GTF3C3: variants seen among roughly 807,000 people sequenced by gnomAD.
GTF3C3 encodes general transcription factor 3C polypeptide 3.
In GTF3C3, 75 loss-of-function variants were observed where a neutral mutation model predicts 105.2. The observed-to-expected ratio is 0.71, with a 90% confidence interval of 0.59 to 0.86. The LOEUF (loss-of-function observed/expected upper bound fraction) is 0.86, where lower values mean the gene tolerates loss of function less well. GTF3C3 is among the 40% of genes least tolerant of loss of function. GTF3C3 has a pLI of 0.00. For synonymous variants in GTF3C3, 335 were observed against 370.4 expected, an observed-to-expected ratio of 0.90 and a Z score of 1.10; for missense variants, 856 against 1,076.5, an observed-to-expected ratio of 0.80 and a Z score of 2.87.
In GTF3C3 at chr2:196,764,651, T is replaced by A; in HGVS notation, c.2573A>T (p.Asp858Val). The change falls in exon 18 of 18, where the codon GAT becomes GTT. Residue 858 changes from aspartate (D) to valine (V), a missense_variant. Transcript: ENST00000263956. ...IELDQLDLRR[D>V]IAYNLSLIYQ... ...GATGAGAGACAAGTTGTAGGCAATA[T>A]CTCTTCGTAAGTCTAACTGGTCAAG... is the stretch of plus-strand genomic sequence containing the variant. 6.2e-7 allele frequency: 1 copy of A among 1,612,252 alleles called. No individual in the cohort carries two copies.
chr2:196,794,980 T>C (rs1237070095), intron 2 of GTF3C3, among the ~76,000 whole-genome samples: 6 of 148,330 alleles, frequency 4.0e-5, no homozygotes, highest in African/African-American at 1.0e-4. Flanking sequence ...CCACCCACCT[T>C]GGCCTCCCAA....
chr2:196,776,341 TA>T lies in GTF3C3; in HGVS notation c.1593+85del. 2 of 1,100,026 alleles carry T rather than the reference TA, an allele frequency of 1.8e-6. No homozygotes were observed. Among genetic ancestry groups the T allele is most frequent in the Non-Finnish European group, 2.6e-6 (2 of 757,998 alleles). The allele number at this position is 1,100,026 out of a possible 1,614,324, so 68.1% of individuals were successfully genotyped here. A position where few individuals can be genotyped will look rare whatever the true frequency, so the allele number is the denominator to read the frequency against. ...ATACACTAAAATAAAATTTTGGATA[TA>T]AGCTATAGAGACATCCTTAATGGAG... On this transcript the variant is annotated intron_variant, in intron 11 of 17. Coordinates refer to ENST00000263956, the MANE Select transcript of GTF3C3 (RefSeq NM_012086.5). This position sits in a 1 kb window ranked among gnomAD's most constrained non-coding sequence, Gnocchi z 4.5.
At position 196,776,717 on chromosome 2, in the gene GTF3C3, C is replaced by A; in HGVS notation, c.1391-88G>T. 1.2e-6 allele frequency: 1 copy of A among 858,900 alleles called. No individual in the cohort carries two copies. 53.2% of individuals were successfully genotyped at this position (858,900 alleles called of 1,614,324 possible). On this transcript the variant is annotated intron_variant, in intron 10 of 17. Coordinates refer to ENST00000263956, the MANE Select transcript of GTF3C3 (RefSeq NM_012086.5). This position sits in a 1 kb window ranked among gnomAD's most constrained non-coding sequence, Gnocchi z 4.5. ...CTCTTCCATTTTAAAAGAAATATAG[C>A]AATATAAAAAATTATAACAAGAAAT...
Position 196,791,452 on chromosome 2 carries a change from C to G in GTF3C3, c.420G>C (p.Arg140Ser), listed in dbSNP as rs1043496966. Residue 140 changes from arginine to serine, a missense_variant, in exon 4 of 18, where the codon AGG becomes AGC. Arg to Ser is a moderately radical substitution (Grantham distance 110, BLOSUM62 -1). Transcript: ENST00000263956. ...RETKKMMKEKRPRSKLPRALR... is the reference protein window; with the variant it reads ...RETKKMMKEKSPRSKLPRALR... ...GAGCTCTGGGAAGTTTACTCCGAGG[C>G]CTTTTCTCCTGTATGGAAGAAAAAT... 2 of 1,612,764 alleles carry G rather than the reference C, an allele frequency of 1.2e-6. No individual in the cohort carries two copies. The highest frequency in any genetic ancestry group is 1.7e-6 in the Non-Finnish European group (2 of 1,179,214).
rs1259708529 is a variant in GTF3C3, at chr2:196,785,530, A to C, written c.952T>G (p.Ser318Ala). Reference protein sequence around the residue: ...SAINIIDEAFSKHQGLVSMED... With the variant: ...SAINIIDEAFAKHQGLVSMED... Reference sequence around the variant, plus strand: ...ATGGAGACTAGGCCCTGGTGTTTTGAGAAAGCTTCATCAATTATGTTAATA... The same window carrying C: ...ATGGAGACTAGGCCCTGGTGTTTTGCGAAAGCTTCATCAATTATGTTAATA... The change falls in exon 7 of 18, where the codon TCA becomes GCA. Residue 318 changes from serine (S) to alanine (A), a missense_variant. Ser to Ala is a moderately conservative substitution (Grantham distance 99). Around this residue, in one of 3 missense-constraint regions of GTF3C3, gnomAD observed 605 missense variants for 833.6 expected, o/e 0.73. Coordinates refer to ENST00000263956, the MANE Select transcript of GTF3C3 (RefSeq NM_012086.5). The C allele has an allele frequency of 6.2e-7, 1 of 1,608,400 alleles. No homozygotes were observed. The highest frequency in any genetic ancestry group is 1.7e-5 in the Admixed American group (1 of 59,850).
In GTF3C3 at chr2:196,784,877, C is replaced by G; in HGVS notation, c.1094G>C (p.Gly365Ala). Residue 365 changes from glycine (G) to alanine (A), a missense_variant, in exon 8 of 18, where the codon GGC becomes GCC. Physicochemically the swap from Gly to Ala is moderately conservative, Grantham distance 60 (BLOSUM62 0). This residue lies in a region of GTF3C3 where 605 missense variants were observed against 833.6 expected (regional missense o/e 0.73). Transcript: ENST00000263956. ...IVLEKKTSEE[G>A]TSEENKAPEN... is the part of the protein sequence containing the mutation. ...ACAACCTTTATTCTCTTCTGAGGTG[C>G]CTTCTTCTGAAGTTTTTTTTTCCAG... is the stretch of plus-strand genomic sequence containing the variant. The G allele has an allele frequency of 6.2e-7, 1 of 1,611,294 alleles. No individual in the cohort carries two copies. The highest frequency in any genetic ancestry group is 8.5e-7 in the Non-Finnish European group (1 of 1,178,396).
intron 16 of GTF3C3, among the ~76,000 whole-genome samples, chr2:196,769,430 T>A (rs1263467897): frequency 6.6e-6 from 1 of 152,248 alleles, no homozygotes; most frequent in Non-Finnish European, 1.5e-5. Context: ...GACTTTATAC[T>A]TTTATTAGAA....
intron 15 of GTF3C3, 49 bp downstream of exon 15, chr2:196,771,699 C>G (rs1358908443): frequency 7.6e-7 from 1 of 1,309,902 alleles, no homozygotes; most frequent in South Asian, 1.2e-5. Flanking sequence ...AGGCTAGGCT[C>G]TTCACCACAC....
chr2:196,782,447 TC>T (rs1699383237), intron 8 of GTF3C3, among the ~76,000 whole-genome samples: 1 of 152,256 alleles, frequency 6.6e-6, no homozygotes, highest in Non-Finnish European at 1.5e-5. Context: ...ATACTTTATA[TC>T]TCGGCATAGG....
At chr2:196,798,900 A>C (rs1699696973) in intron 1 of GTF3C3, among the ~76,000 whole-genome samples, 1 of 151,546 alleles carries the variant, frequency 6.6e-6, no homozygotes, top group Non-Finnish European at 1.5e-5. Context: ...CTTCGAACTT[A>C]AAAATTTAAA....
intron 16 of GTF3C3, among the ~76,000 whole-genome samples, chr2:196,767,673 C>A (rs1310444077): frequency 6.6e-6 from 1 of 152,116 alleles, no homozygotes; most frequent in East Asian, 1.9e-4. Flanking sequence ...TGACTATGAC[C>A]TCTATTCCAC....
intron 2 of GTF3C3, among the ~76,000 whole-genome samples, chr2:196,796,457 A>G (rs930994965): frequency 6.6e-6 from 1 of 152,228 alleles, no homozygotes; most frequent in Non-Finnish European, 1.5e-5. Flanking sequence ...CCTTCAGCAG[A>G]TAAGGAAGGA....
rs1699293757 is a variant in GTF3C3 at position 196,778,486 on chromosome 2, A to C, written c.1390+410T>G. 1.7e-5 allele frequency: 3 copies of C among 180,760 alleles called. No homozygotes were observed. In the South Asian group the frequency reaches 3.7e-4, roughly 23 times the overall value. The allele number at this position is 180,760 out of a possible 1,614,324, so 11.2% of individuals were successfully genotyped here. On this transcript the variant is annotated intron_variant, in intron 10 of 17. Coordinates refer to ENST00000263956, the MANE Select transcript of GTF3C3 (RefSeq NM_012086.5). Reference sequence around the variant, plus strand: ...GTGTAATAAACGGCTGATAAAACCCAATTTTGAGTATGTGTGGCTCAAAGA... The same window carrying C: ...GTGTAATAAACGGCTGATAAAACCCCATTTTGAGTATGTGTGGCTCAAAGA...
At position 196,766,855 on chromosome 2, in the gene GTF3C3, TATTACAGTG is replaced by T. The variant is rs137898798; in HGVS notation, c.2386-147_2386-139del. The T allele has an allele frequency of 2.2e-3, 1,240 of 551,528 alleles. 8 individuals are homozygous for T. The highest frequency in any genetic ancestry group is 0.021 in the African/African-American group (1,113 of 53,612). The allele number at this position is 551,528 out of a possible 1,614,324, so 34.2% of individuals were successfully genotyped here. On this transcript the variant is annotated intron_variant, in intron 16 of 17. Transcript: ENST00000263956. ...TGCTTAGTGTCCTATTACTGTGTAGTATTACAGTGTAGTTAGGTGTCAACATTATAGCTC... is the reference window on the plus strand; with the variant it reads ...TGCTTAGTGTCCTATTACTGTGTAGTTAGTTAGGTGTCAACATTATAGCTC...
chr2:196,797,828 A>G lies in GTF3C3; in HGVS notation c.183T>C (p.Ser61=). 6.2e-7 allele frequency: 1 copy of G among 1,605,362 alleles called. No individual in the cohort carries two copies. The highest frequency in any genetic ancestry group is 1.3e-5 in the African/African-American group (1 of 74,834). The change falls in exon 2 of 18, where the codon TCT becomes TCC. Residue 61 remains serine (S), a synonymous_variant. Coordinates refer to ENST00000263956, the MANE Select transcript of GTF3C3 (RefSeq NM_012086.5). ...TGACATCTTTGTCTTGGGATTTGGT[A>G]GAGTTAATTCCTGATGATGATGGAA... ...SEVPSSSGIN[S]TKSQDKDVNE...
At chr2:196,797,735 C>T (rs1330724856) in intron 2 of GTF3C3, 62 bp downstream of exon 2, 2 of 942,724 alleles carry the variant, frequency 2.1e-6, no homozygotes, top group African/African-American at 1.6e-5. Flanking sequence ...CAATGTTTCA[C>T]TAAATTACTT....
chr2:196,788,968 G>A (rs1018892033), intron 6 of GTF3C3, among the ~76,000 whole-genome samples: 1 of 152,090 alleles, frequency 6.6e-6, no homozygotes, highest in Non-Finnish European at 1.5e-5. Context: ...TTGGGAGGCT[G>A]GGTGAGAGGA....
chr2:196,795,370 T>C (rs972937366), intron 2 of GTF3C3, among the ~76,000 whole-genome samples: 2 of 152,232 alleles, frequency 1.3e-5, no homozygotes, highest in African/African-American at 2.4e-5. Context: ...TACTCACTTA[T>C]GTGAAATACT....
chr2:196,793,029 G>C lies in GTF3C3; in HGVS notation c.338C>G (p.Pro113Arg), dbSNP rs148776344. Residue 113 changes from proline (P) to arginine (R), a missense_variant, in exon 3 of 18, where the codon CCT becomes CGT. Pro to Arg is a moderately radical substitution (Grantham distance 103, BLOSUM62 -2). Around this residue, in one of 3 missense-constraint regions of GTF3C3, gnomAD observed 605 missense variants for 833.6 expected, o/e 0.73. Coordinates refer to ENST00000263956, the MANE Select transcript of GTF3C3 (RefSeq NM_012086.5). ...TACATCGCCCGCAGTGGGTTGCTCA[G>C]GTGTTTCTTCCTCCTCCTCCTCCTC... ...EEEEEEEEETPEQPTAGDVFV... is the reference protein window; with the variant it reads ...EEEEEEEEETREQPTAGDVFV... The C allele has an allele frequency of 1.6e-3, 2,552 of 1,613,638 alleles. 3 individuals carry two copies. The highest frequency in any genetic ancestry group is 1.6e-3 in the Non-Finnish European group (1,843 of 1,179,790).
Sources: allele counts gnomAD v4.1 joint callset (sites outside exome capture counted in the v4.1 genomes callset), GRCh38; gene constraint gnomAD v4.1.1; regional missense constraint gnomAD v4.1.1; non-coding constraint Gnocchi (gnomAD v3.1); transcripts MANE v1.5; gene names NCBI Gene and HGNC (gene_info 2026-07-23, HGNC 2026-07-21).